Variants in SORCS3 observed in about 807,000 individuals in gnomAD.
SORCS3 encodes the protein sortilin related VPS10 domain containing receptor 3, also known as VPS10 domain-containing receptor SorCS3.
A neutral mutation model predicts 146.3 loss-of-function variants in SORCS3; 57 were observed. That is an observed-to-expected ratio of 0.39 (90% CI 0.31 to 0.49). The LOEUF (loss-of-function observed/expected upper bound fraction) is 0.49, where lower values mean the gene tolerates loss of function less well. Among genes scored for constraint, SORCS3 ranks in the 20% least tolerant of loss-of-function variants. The pLI, the probability that SORCS3 is intolerant of heterozygous loss-of-function variation, is 0.92. For synonymous variants in SORCS3, 653 were observed against 618.5 expected (o/e 1.06, Z -0.83); for missense variants, 1,341 against 1,575.5 (o/e 0.85, Z 2.52).
At chr10:104,947,178 T>C (rs2019380428) in intron 3 of SORCS3, among the ~76,000 whole-genome samples, 1 of 152,226 alleles carries the variant, frequency 6.6e-6, no homozygotes, top group Non-Finnish European at 1.5e-5. Context: ...AAAGAGCTCT[T>C]CCATTTCTCC....
chr10:105,221,926 A>G (rs560745556), intron 19 of SORCS3, among the ~76,000 whole-genome samples: 3 of 152,206 alleles, frequency 2.0e-5, no homozygotes, highest in Admixed American at 1.3e-4. Flanking sequence ...AGGGAGGAAG[A>G]CAGAAATATA....
At chr10:105,052,164 T>A (rs749423593) in intron 5 of SORCS3, among the ~76,000 whole-genome samples, 21 of 152,202 alleles carry the variant, frequency 1.4e-4, no homozygotes, top group Admixed American at 1.3e-3. Flanking sequence ...AGCTAATGAC[T>A]TCTTTGCTAT....
intron 1 of SORCS3, among the ~76,000 whole-genome samples, chr10:104,691,061 C>T (rs537966935): frequency 5.3e-5 from 8 of 152,268 alleles, no homozygotes; most frequent in South Asian, 2.1e-4. Context: ...TGCCAGCACC[C>T]GTGGGCAGCT....
chr10:105,203,823 A>T (rs1378424100), intron 16 of SORCS3, among the ~76,000 whole-genome samples: 3 of 152,224 alleles, frequency 2.0e-5, no homozygotes, highest in Non-Finnish European at 4.4e-5. Context: ...GATGTATAAC[A>T]TAGAAATACA....
At chr10:104,917,595 A>G (rs1465719504) in intron 3 of SORCS3, among the ~76,000 whole-genome samples, 1 of 152,180 alleles carries the variant, frequency 6.6e-6, no homozygotes, top group Non-Finnish European at 1.5e-5. Flanking sequence ...TATTCCTCCT[A>G]TATAACTGTA....
At chr10:105,016,134 A>AACATATATATATATATATATAT (rs2055164534) in intron 4 of SORCS3, among the ~76,000 whole-genome samples, 1 of 113,694 alleles carries the variant, frequency 8.8e-6, no homozygotes, top group Non-Finnish European at 1.7e-5. Context: ...ATATTATATA[A>AACATATATATATATATATATAT]ATATATATAT....
Position 105,193,369 on chromosome 10 carries a change from T to C in SORCS3, c.2010-6630T>C, listed in dbSNP as rs185765437. 3.9e-5 allele frequency among the ~76,000 whole-genome samples: 6 copies of C among 152,326 alleles called. No individual in the cohort carries two copies. In the East Asian group the frequency reaches 9.7e-4, roughly 25 times the overall value. On this transcript the variant is annotated intron_variant, in intron 14 of 26. Coordinates refer to ENST00000369701, the MANE Select transcript of SORCS3 (RefSeq NM_014978.3). ...TTACCTCAATTTTGGAAGAAGTGAA[T>C]GATTTTGTTAGATTAATTCTATCAT...
In SORCS3 at chr10:104,804,654, G is replaced by A. The variant is rs534821423; in HGVS notation, c.628-38138G>A. Among the ~76,000 whole-genome samples the A allele has an allele frequency of 7.2e-5, 11 of 152,324 alleles. No homozygotes were observed. The South Asian group carries it at 1.7e-3, about 23-fold the overall frequency. ...CCTGTTCCATGAGCTGAGCTGCATC[G>A]TGGAAGTAGGATCTTAATGCATTTA... is the stretch of plus-strand genomic sequence containing the variant. On this transcript the variant is annotated intron_variant, in intron 1 of 26. Transcript: ENST00000369701.
chr10:104,823,405 T>C (rs1214910561), intron 1 of SORCS3, among the ~76,000 whole-genome samples: 3 of 152,188 alleles, frequency 2.0e-5, no homozygotes, highest in Non-Finnish European at 2.9e-5. Context: ...ACCTTTTTTT[T>C]CCTATTCTGT....
At chr10:105,036,153 C>T (rs1456362136) in intron 4 of SORCS3, among the ~76,000 whole-genome samples, 3 of 152,146 alleles carry the variant, frequency 2.0e-5, no homozygotes, top group Admixed American at 2.0e-4. Flanking sequence ...GGTTTCCAAA[C>T]TTTTTCCTAA....
At chr10:104,884,278 A>G in intron 2 of SORCS3, among the ~76,000 whole-genome samples, 1 of 152,148 alleles carries the variant, frequency 6.6e-6, no homozygotes, top group East Asian at 1.9e-4. Context: ...CACTCAGTTC[A>G]CTCATTCATT....
At chr10:105,222,011 T>C (rs2056705604) in intron 19 of SORCS3, among the ~76,000 whole-genome samples, 1 of 150,816 alleles carries the variant, frequency 6.6e-6, no homozygotes, top group African/African-American at 2.4e-5. Flanking sequence ...AAAAAACTAT[T>C]TACCTCTCAG....
At chr10:104,648,557 C>T (rs537509258) in intron 1 of SORCS3, among the ~76,000 whole-genome samples, 6 of 152,208 alleles carry the variant, frequency 3.9e-5, no homozygotes, top group Non-Finnish European at 7.4e-5. Context: ...GCCCACCCAC[C>T]GCGGTGGCTG....
chr10:104,902,818 G>A (rs1460585696), intron 2 of SORCS3, among the ~76,000 whole-genome samples: 2 of 152,172 alleles, frequency 1.3e-5, no homozygotes, highest in Non-Finnish European at 2.9e-5. Context: ...TTAGATATGG[G>A]GAAACTGAGG....
At chr10:105,023,478 CAT>C (rs1378781489) in intron 4 of SORCS3, among the ~76,000 whole-genome samples, 1 of 152,096 alleles carries the variant, frequency 6.6e-6, no homozygotes, top group African/African-American at 2.4e-5. Flanking sequence ...GTTAGGAAAA[CAT>C]CTCCTGGTCT....
chr10:104,930,787 C>T (rs183928570), intron 3 of SORCS3, among the ~76,000 whole-genome samples: 33 of 152,268 alleles, frequency 2.2e-4, no homozygotes, highest in Admixed American at 4.6e-4. Flanking sequence ...CAGCTGGGGG[C>T]TTAGGCACAT....
intron 16 of SORCS3, among the ~76,000 whole-genome samples, chr10:105,207,956 TA>T (rs1214687608): frequency 6.6e-6 from 1 of 152,140 alleles, no homozygotes. Flanking sequence ...GGACATTCAA[TA>T]GATTTACCTA....
intron 4 of SORCS3, among the ~76,000 whole-genome samples, chr10:105,033,639 T>C (rs1345027355): frequency 2.6e-5 from 4 of 152,174 alleles, no homozygotes; most frequent in African/African-American, 9.7e-5. Context: ...ATGAGTTACA[T>C]AGAGACAATT....
At chr10:105,077,143 T>G (rs1020913201) in intron 5 of SORCS3, among the ~76,000 whole-genome samples, 1 of 152,212 alleles carries the variant, frequency 6.6e-6, no homozygotes, top group Non-Finnish European at 1.5e-5. Flanking sequence ...CCTTCCTTCT[T>G]TCCTAGTAGG....
Sources: gnomAD v4.1 joint callset for allele counts (sites outside exome capture counted in the v4.1 genomes callset) on GRCh38, gnomAD v4.1.1 for gene constraint, MANE v1.5 for transcripts, NCBI Gene and HGNC (gene_info 2026-07-23, HGNC 2026-07-21) for gene names.